Variants in CNIH3 observed in about 807,000 individuals in gnomAD.
CNIH3 encodes the protein cornichon family AMPA receptor auxiliary protein 3, also known as protein cornichon homolog 3.
A neutral mutation model predicts 24.1 loss-of-function variants in CNIH3; 14 were observed. The ratio of observed to expected loss-of-function variants is 0.58; its 90% CI spans 0.38 to 0.91. The LOEUF is 0.91. Among genes scored for constraint, CNIH3 ranks in the 40% least tolerant of loss-of-function variants. CNIH3 has a pLI of 0.00. For synonymous variants in CNIH3, 68 were observed against 73.8 expected (o/e 0.92, Z 0.40); for missense variants, 178 against 196.8 (o/e 0.90, Z 0.57).
At chr1:224,592,582 G>A (rs574499606), downstream of CNIH3, among the ~76,000 whole-genome samples, 5 of 152,238 alleles carry the variant, frequency 3.3e-5, no homozygotes, top group South Asian at 6.2e-4. Context: ...CACATCTGAC[G>A]GGAAAGCTCA....
At chr1:224,543,323 C>T (rs571858081) in intron 2 of CNIH3, among the ~76,000 whole-genome samples, 1 of 152,252 alleles carries the variant, frequency 6.6e-6, no homozygotes, top group African/African-American at 2.4e-5. Flanking sequence ...TGTTTGTTTG[C>T]CTGCTTCGGA....
At chr1:224,727,486 G>A (rs148537612) in intron 3 of CNIH3, among the ~76,000 whole-genome samples, 18 of 152,284 alleles carry the variant, frequency 1.2e-4, no homozygotes, top group East Asian at 1.9e-4. Context: ...TGTATCAGCC[G>A]TTAAGTGGTC....
chr1:224,652,711 C>T (rs1684916712), intron 1 of CNIH3, among the ~76,000 whole-genome samples: 1 of 152,180 alleles, frequency 6.6e-6, no homozygotes, highest in South Asian at 2.1e-4. Flanking sequence ...CAAGGGGGCT[C>T]CACAGATGCC....
chr1:224,510,700 G>A (rs1258971701), intron 1 of CNIH3, among the ~76,000 whole-genome samples: 1 of 152,160 alleles, frequency 6.6e-6, no homozygotes, highest in Non-Finnish European at 1.5e-5. Flanking sequence ...TGGGGCTCAG[G>A]TAGGCAGGTA....
upstream of CNIH3, among the ~76,000 whole-genome samples, chr1:224,614,442 G>A (rs1682845764): frequency 6.6e-6 from 1 of 152,196 alleles, no homozygotes. Flanking sequence ...GGGAGGCCAA[G>A]GCTGGAAGAC....
In CNIH3 at chr1:224,489,567, G is replaced by A. The variant is rs114759347; in HGVS notation, n.204-26174G>A. ...TCCCCTCCAGCATCTACCTACTTTC[G>A]GTTGCTCTTTTGTGACTTTAGAAAG... On this transcript the variant is annotated intron_variant and non_coding_transcript_variant, in intron 1 of 5. Coordinates refer to the CNIH3 transcript ENST00000471578. 3.7e-3 allele frequency among the ~76,000 whole-genome samples: 566 copies of A among 152,098 alleles called. 5 individuals are homozygous for A. Among genetic ancestry groups the A allele is most frequent in the African/African-American group, 0.013 (528 of 41,462 alleles).
Position 224,740,092 on chromosome 1 carries a change from A to G in CNIH3, c.*736A>G, listed in dbSNP as rs878944188. The G allele has an allele frequency of 3.3e-5, 5 of 152,270 alleles. No homozygotes were observed. The highest frequency in any genetic ancestry group is 1.2e-4 in the African/African-American group (5 of 41,458). 9.4% of individuals were successfully genotyped at this position (152,270 alleles called of 1,614,324 possible). A position where few individuals can be genotyped will look rare whatever the true frequency, so the allele number is the denominator to read the frequency against. The stretch of plus-strand genomic sequence containing the variant: ...TCACAGAGTCTTTAAATGCAAATCA[A>G]TTGGTCAATGCTAGTCAAAGCTATG... On this transcript the variant is annotated 3_prime_UTR_variant, in exon 6 of 6. Coordinates refer to ENST00000272133, the MANE Select transcript of CNIH3 (RefSeq NM_152495.2).
At chr1:224,551,653 T>C (rs1679925720) in intron 3 of CNIH3, among the ~76,000 whole-genome samples, 1 of 152,086 alleles carries the variant, frequency 6.6e-6, no homozygotes, top group African/African-American at 2.4e-5. Flanking sequence ...AGCTATGTTA[T>C]TTCATTAATA....
chr1:224,532,584 G>T (rs712074), intron 2 of CNIH3, among the ~76,000 whole-genome samples: 40,094 of 152,060 alleles, frequency 0.26, 6,481 homozygotes, highest in African/African-American at 0.45. Context: ...CTAGCTTGGA[G>T]CCCATAGGAC....
At chr1:224,593,310 A>G (rs1161470341), downstream of CNIH3, among the ~76,000 whole-genome samples, 1 of 152,134 alleles carries the variant, frequency 6.6e-6, no homozygotes, top group African/African-American at 2.4e-5. Context: ...ATGTGGCACC[A>G]TGCCCAGCTA....
At chr1:224,727,386 T>G (rs1388786748) in intron 3 of CNIH3, among the ~76,000 whole-genome samples, 1 of 152,220 alleles carries the variant, frequency 6.6e-6, no homozygotes, top group Non-Finnish European at 1.5e-5. Context: ...GCCTCTTTCC[T>G]TACTTGTGGC....
chr1:224,453,648 A>G (rs1159506268), intron 1 of CNIH3, among the ~76,000 whole-genome samples: 1 of 144,748 alleles, frequency 6.9e-6, no homozygotes, highest in Non-Finnish European at 1.5e-5. Context: ...TTTAATTTTT[A>G]GAGATGGGTT....
In CNIH3 at chr1:224,456,513, C is replaced by A. The variant is rs549970107; in HGVS notation, n.203+21651C>A. 3.3e-5 allele frequency among the ~76,000 whole-genome samples: 5 copies of A among 152,276 alleles called. No individual in the cohort carries two copies. In the South Asian group the frequency reaches 1.0e-3, roughly 32 times the overall value. ...GTAGCCTGGACCTCCCGGGCTCGAG[C>A]CATCCTCCCACCTCAGCTTCCCAAG... On this transcript the variant is annotated intron_variant and non_coding_transcript_variant, in intron 1 of 5. Transcript: ENST00000471578.
At chr1:224,549,047 G>A (rs578051710) in intron 3 of CNIH3, among the ~76,000 whole-genome samples, 303 of 152,126 alleles carry the variant, frequency 2.0e-3, no homozygotes, top group African/African-American at 6.9e-3. Context: ...GATACTACTC[G>A]TAATATCACA....
chr1:224,706,260 C>T (rs1017045936), intron 3 of CNIH3, among the ~76,000 whole-genome samples: 3 of 152,082 alleles, frequency 2.0e-5, no homozygotes, highest in Non-Finnish European at 2.9e-5. Flanking sequence ...GCTGATCTGC[C>T]GTGTTCACTT....
intron 1 of CNIH3, among the ~76,000 whole-genome samples, chr1:224,485,697 T>C (rs1677001385): frequency 6.6e-6 from 1 of 152,214 alleles, no homozygotes; most frequent in Admixed American, 6.5e-5. Flanking sequence ...CTCACTATGT[T>C]GTGCAGGCTT....
At chr1:224,456,799 G>T (rs192914504) in intron 1 of CNIH3, among the ~76,000 whole-genome samples, 40 of 152,284 alleles carry the variant, frequency 2.6e-4, no homozygotes, top group African/African-American at 7.9e-4. Flanking sequence ...TGCCATTCTC[G>T]TGCCCTCCTT....
At chr1:224,736,695 G>T (rs1689608089) in intron 5 of CNIH3, among the ~76,000 whole-genome samples, 1 of 152,194 alleles carries the variant, frequency 6.6e-6, no homozygotes, top group East Asian at 1.9e-4. Flanking sequence ...GGTGCTCTGG[G>T]ATGTTTACTG....
intron 1 of CNIH3, among the ~76,000 whole-genome samples, chr1:224,517,578 C>T (rs1432420126): frequency 6.6e-6 from 1 of 152,086 alleles, no homozygotes; most frequent in African/African-American, 2.4e-5. Context: ...GCACCCATCA[C>T]CTAAACAGTG....
Sources: allele counts gnomAD v4.1 joint callset (sites outside exome capture counted in the v4.1 genomes callset), GRCh38; gene constraint gnomAD v4.1.1; transcripts MANE v1.5; gene names NCBI Gene and HGNC (gene_info 2026-07-23, HGNC 2026-07-21).